Variants in BPNT2 observed in about 807,000 individuals in gnomAD.
BPNT2 encodes the protein Golgi-resident adenosine 3',5'-bisphosphate 3'-phosphatase.
Under a neutral mutation model 29.3 loss-of-function variants are expected in BPNT2, and 11 were observed. The ratio of observed to expected loss-of-function variants is 0.38; its 90% CI spans 0.24 to 0.62. The LOEUF (loss-of-function observed/expected upper bound fraction) is 0.62. BPNT2 is among the 20% of genes least tolerant of loss of function. BPNT2 has a pLI of 0.62. For synonymous variants in BPNT2, 195 were observed against 187.7 expected, an observed-to-expected ratio of 1.04 and a Z score of -0.32; for missense variants, 459 against 473.4, an observed-to-expected ratio of 0.97 and a Z score of 0.28.
At chr8:56,989,566 TA>T (rs1346723784) in intron 1 of BPNT2, among the ~76,000 whole-genome samples, 1 of 152,164 alleles carries the variant, frequency 6.6e-6, no homozygotes, top group Non-Finnish European at 1.5e-5. Flanking sequence ...TGTTAGCTAG[TA>T]AAACAAGCTC....
At position 56,964,077 on chromosome 8, in the gene BPNT2, C is replaced by A. The variant is rs1805896058; in HGVS notation, c.809-13G>T. ...AAAACTTTATAACCTAAAAGATAAACAAAGAATTTAGGTTATTATTCAAAA... is the reference window on the plus strand; with the variant it reads ...AAAACTTTATAACCTAAAAGATAAAAAAAGAATTTAGGTTATTATTCAAAA... On this transcript the variant is annotated splice_polypyrimidine_tract_variant and intron_variant, in intron 4 of 4. Coordinates refer to ENST00000262644, the MANE Select transcript of BPNT2 (RefSeq NM_017813.5). 6.4e-7 allele frequency: 1 copy of A among 1,555,524 alleles called. No individual in the cohort carries two copies. Among genetic ancestry groups the A allele is most frequent in the African/African-American group, 1.4e-5 (1 of 73,090 alleles).
chr8:56,968,888 A>G (rs984064290), intron 3 of BPNT2, among the ~76,000 whole-genome samples: 5 of 152,326 alleles, frequency 3.3e-5, no homozygotes, highest in Admixed American at 2.0e-4. Context: ...TGCAAATGCA[A>G]TTAGTTCAGC....
chr8:56,965,275 C>T (rs1414088341), intron 4 of BPNT2, among the ~76,000 whole-genome samples: 2 of 152,290 alleles, frequency 1.3e-5, no homozygotes, highest in Admixed American at 6.5e-5. Flanking sequence ...GCCTAGATCA[C>T]ACCACTGCAC....
At chr8:56,980,819 TACACACACAC>T (rs71258552) in intron 1 of BPNT2, among the ~76,000 whole-genome samples, 9 of 141,508 alleles carry the variant, frequency 6.4e-5, no homozygotes, top group South Asian at 2.3e-4. Flanking sequence ...TACATACATA[TACACACACAC>T]ACACACACAC....
At chr8:56,968,336 A>G (rs945125327) in intron 3 of BPNT2, among the ~76,000 whole-genome samples, 1 of 152,040 alleles carries the variant, frequency 6.6e-6, no homozygotes, top group East Asian at 1.9e-4. Context: ...AAAAGCAAAA[A>G]GGAAAGTGAA....
At chr8:56,968,384 T>C (rs1182639103) in intron 3 of BPNT2, among the ~76,000 whole-genome samples, 1 of 136,054 alleles carries the variant, frequency 7.4e-6, no homozygotes, top group Middle Eastern at 3.8e-3. Flanking sequence ...GAGAAAGTGA[T>C]AGATTAAAAA....
intron 1 of BPNT2, among the ~76,000 whole-genome samples, chr8:56,983,619 C>A (rs185770773): frequency 1.3e-5 from 2 of 152,008 alleles, no homozygotes; most frequent in Admixed American, 6.6e-5. Context: ...GGGAGAGGAG[C>A]AAGTGGGGAG....
intron 1 of BPNT2, among the ~76,000 whole-genome samples, chr8:56,990,088 T>G (rs909944748): frequency 9.2e-5 from 14 of 152,240 alleles, no homozygotes; most frequent in Admixed American, 7.2e-4. Flanking sequence ...TTAGTGCTTC[T>G]CAAACTTTTC....
At position 56,966,338 on chromosome 8, in the gene BPNT2, C is replaced by G. The variant is rs1805951359; in HGVS notation, c.661G>C (p.Asp221His). 6 of 1,613,768 alleles carry G rather than the reference C, an allele frequency of 3.7e-6. No homozygotes were observed. Among genetic ancestry groups the G allele is most frequent in the Non-Finnish European group, 5.1e-6 (6 of 1,179,828 alleles). Reference protein sequence around the residue: ...FSEYTAWAMVDGGSNVKARSS... With the variant: ...FSEYTAWAMVHGGSNVKARSS... ...CGGGCTTTCACATTTGAACCACCAT[C>G]TACCATTGCCCAAGCTGAAAAGCAA... Residue 221 changes from aspartate to histidine, a missense_variant, in exon 4 of 5, where the codon GAT becomes CAT. Transcript: ENST00000262644.
chr8:56,979,468 C>T (rs934785772), intron 2 of BPNT2, among the ~76,000 whole-genome samples: 1 of 152,150 alleles, frequency 6.6e-6, no homozygotes, highest in Non-Finnish European at 1.5e-5. Context: ...CTAGTGTCTT[C>T]TCCCTGTTCT....
rs756654251 is a variant in BPNT2, at chr8:56,960,376, G to C, written c.*3417C>G. 3 of 152,118 alleles carry C rather than the reference G, an allele frequency of 2.0e-5. No individual in the cohort carries two copies. The highest frequency in any genetic ancestry group is 4.4e-5 in the Non-Finnish European group (3 of 68,044). 9.4% of individuals were successfully genotyped at this position (152,118 alleles called of 1,614,324 possible). A position where few individuals can be genotyped will look rare whatever the true frequency, so the allele number is the denominator to read the frequency against. On this transcript the variant is annotated 3_prime_UTR_variant, in exon 5 of 5. Coordinates refer to ENST00000262644, the MANE Select transcript of BPNT2 (RefSeq NM_017813.5). ...TTACCCTTCTCCTGACCTCCCTCTAGCTTCTTTCTGACCCTCTTCCTAGCC... is the reference window on the plus strand; with the variant it reads ...TTACCCTTCTCCTGACCTCCCTCTACCTTCTTTCTGACCCTCTTCCTAGCC...
rs1051468845 is a variant in BPNT2 at position 56,959,204 on chromosome 8, T to C, written c.*4589A>G. 5 of 152,228 alleles carry C rather than the reference T, an allele frequency of 3.3e-5. No individual in the cohort carries two copies. Among genetic ancestry groups the C allele is most frequent in the Non-Finnish European group, 5.9e-5 (4 of 68,038 alleles). The allele number at this position is 152,228 out of a possible 1,614,324, so 9.4% of individuals were successfully genotyped here. A position where few individuals can be genotyped will look rare whatever the true frequency, so the allele number is the denominator to read the frequency against. ...TTCATCATCCTTAACTTCTGAAAGTTTGGTTTATGTTATCTTATCTAGAAA... is the reference window on the plus strand; with the variant it reads ...TTCATCATCCTTAACTTCTGAAAGTCTGGTTTATGTTATCTTATCTAGAAA... On this transcript the variant is annotated 3_prime_UTR_variant, in exon 5 of 5. Transcript: ENST00000262644.
rs1165071592 is a variant in BPNT2, at chr8:56,960,094, T to C, written c.*3699A>G. 6.6e-6 allele frequency: 1 copy of C among 152,204 alleles called. No individual in the cohort carries two copies. The highest frequency in any genetic ancestry group is 2.4e-5 in the African/African-American group (1 of 41,458). 9.4% of individuals were successfully genotyped at this position (152,204 alleles called of 1,614,324 possible). On this transcript the variant is annotated 3_prime_UTR_variant, in exon 5 of 5. Coordinates refer to ENST00000262644, the MANE Select transcript of BPNT2 (RefSeq NM_017813.5). The stretch of plus-strand genomic sequence containing the variant: ...AGCCAATAGGTAGTTACAGCTAGAA[T>C]AATTCCAACAGTTCCTGTTTTAACC...
chr8:56,982,237 C>A (rs974115812), intron 1 of BPNT2, among the ~76,000 whole-genome samples: 1 of 151,686 alleles, frequency 6.6e-6, no homozygotes, highest in African/African-American at 2.4e-5. Context: ...GATTCTCCTG[C>A]CTCAGCCTCC....
At chr8:56,992,740 C>T (rs552158354) in intron 1 of BPNT2, among the ~76,000 whole-genome samples, 1 of 149,854 alleles carries the variant, frequency 6.7e-6, no homozygotes, top group African/African-American at 2.5e-5. Context: ...AAATGCCCCG[C>T]ACACTAACAG....
chr8:56,983,192 T>A (rs907575761), intron 1 of BPNT2, among the ~76,000 whole-genome samples: 6 of 152,098 alleles, frequency 3.9e-5, no homozygotes, highest in African/African-American at 1.4e-4. Context: ...AATTACTGAA[T>A]TGTATACTTG....
At chr8:56,986,302 A>G (rs1314950615) in intron 1 of BPNT2, among the ~76,000 whole-genome samples, 1 of 152,244 alleles carries the variant, frequency 6.6e-6, no homozygotes, top group African/African-American at 2.4e-5. Context: ...GGTAGGGGAA[A>G]TAGGAAAAAT....
chr8:56,966,149 C>T, intron 4 of BPNT2, 42 bp downstream of exon 4: 1 of 1,603,798 alleles, frequency 6.2e-7, no homozygotes, highest in Admixed American at 1.7e-5. Flanking sequence ...CTTGACCATG[C>T]CAGGAACATT....
chr8:56,973,497 T>C (rs1347738763), intron 3 of BPNT2, among the ~76,000 whole-genome samples: 2 of 152,202 alleles, frequency 1.3e-5, no homozygotes, highest in Non-Finnish European at 2.9e-5. Context: ...GTCCAGATGT[T>C]GTGCATGTCT....
Sources: gnomAD v4.1 joint callset for allele counts (sites outside exome capture counted in the v4.1 genomes callset) on GRCh38, gnomAD v4.1.1 for gene constraint, MANE v1.5 for transcripts, NCBI Gene and HGNC (gene_info 2026-07-23, HGNC 2026-07-21) for gene names.